Variants in NRG1 observed in about 807,000 individuals in gnomAD.
NRG1 encodes pro-neuregulin-1, membrane-bound isoform.
A neutral mutation model predicts 63.8 loss-of-function variants in NRG1; 18 were observed. The observed-to-expected ratio is 0.28, with a 90% CI of 0.19 to 0.42. NRG1 has a LOEUF of 0.42. NRG1 is among the 10% of genes least tolerant of loss of function. NRG1 has a pLI of 1.00. For missense variants in NRG1, 762 were observed against 814.7 expected, an observed-to-expected ratio of 0.94 and a Z score of 0.79; for synonymous variants, 302 against 301.3, an observed-to-expected ratio of 1.00 and a Z score of -0.02.
intron 1 of NRG1, among the ~76,000 whole-genome samples, chr8:31,987,346 GTGTA>G (rs372739895): frequency 0.018 from 2,664 of 147,626 alleles, 115 homozygotes; most frequent in African/African-American, 0.064. Flanking sequence ...GTGTGTGTGT[GTGTA>G]TGTGTGTGAA....
chr8:32,677,840 G>A lies in NRG1; in HGVS notation c.503-50109G>A, dbSNP rs138363113. Among the ~76,000 whole-genome samples the A allele has an allele frequency of 1.2e-3, 179 of 152,014 alleles. 1 individual carries two copies. The highest frequency in any genetic ancestry group is 1.8e-3 in the Non-Finnish European group (122 of 67,980). Reference sequence around the variant, plus strand: ...CCAATTTGCCATACCCCCACAAATCGCACTTATAAAGTCAAGAGTAAGCAC... The same window carrying A: ...CCAATTTGCCATACCCCCACAAATCACACTTATAAAGTCAAGAGTAAGCAC... On this transcript the variant is annotated intron_variant, in intron 5 of 11. Coordinates refer to ENST00000356819, the Ensembl canonical transcript of NRG1.
intron 1 of NRG1, among the ~76,000 whole-genome samples, chr8:31,954,215 T>G (rs568521681): frequency 8.1e-4 from 123 of 152,284 alleles, no homozygotes; most frequent in African/African-American, 2.9e-3. Flanking sequence ...CCCTAGATTT[T>G]GGACAGATAT....
At chr8:32,543,174 T>C (rs562216835) in intron 1 of NRG1, among the ~76,000 whole-genome samples, 4 of 152,316 alleles carry the variant, frequency 2.6e-5, no homozygotes, top group East Asian at 3.9e-4. Flanking sequence ...CTCTGCCTTT[T>C]ATAGGCTTAT....
chr8:31,917,263 G>A (rs1325869104), intron 1 of NRG1, among the ~76,000 whole-genome samples: 8 of 144,990 alleles, frequency 5.5e-5, no homozygotes, highest in African/African-American at 1.5e-4. Context: ...TGGTGTTTTA[G>A]ACATGAAGTT....
At chr8:32,683,512 A>G (rs978282299) in intron 5 of NRG1, among the ~76,000 whole-genome samples, 3 of 152,178 alleles carry the variant, frequency 2.0e-5, no homozygotes, top group African/African-American at 7.2e-5. Context: ...GAAGACAAAA[A>G]TAGGATCCCA....
intron 1 of NRG1, among the ~76,000 whole-genome samples, chr8:31,790,930 G>C (rs959979405): frequency 6.6e-6 from 1 of 152,098 alleles, no homozygotes; most frequent in African/African-American, 2.4e-5. Flanking sequence ...TAGCAAATAG[G>C]CTGGATGAGG....
chr8:32,748,333 G>GCACGCA (rs1554662506), intron 7 of NRG1, among the ~76,000 whole-genome samples: 2 of 92,096 alleles, frequency 2.2e-5, no homozygotes, highest in South Asian at 4.0e-4. Flanking sequence ...GTACACGCGC[G>GCACGCA]CGCGCGCACA....
chr8:32,723,370 C>T (rs1203064245), intron 5 of NRG1, among the ~76,000 whole-genome samples: 1 of 152,000 alleles, frequency 6.6e-6, no homozygotes, highest in Non-Finnish European at 1.5e-5. Context: ...TTATGTCTTG[C>T]ACATAATAAA....
intron 1 of NRG1, among the ~76,000 whole-genome samples, chr8:32,450,573 ACC>A (rs1462712638): frequency 1.3e-5 from 2 of 152,048 alleles, no homozygotes; most frequent in Non-Finnish European, 2.9e-5. Context: ...ATGTCACCAC[ACC>A]TGGCTATTTT....
intron 1 of NRG1, among the ~76,000 whole-genome samples, chr8:32,060,285 T>C (rs1012763894): frequency 6.6e-6 from 1 of 151,888 alleles, no homozygotes; most frequent in African/African-American, 2.4e-5. Flanking sequence ...CTTTTTTTTT[T>C]ATCTAATAGA....
chr8:31,715,810 C>T (rs1011165593), intron 1 of NRG1, among the ~76,000 whole-genome samples: 3 of 152,056 alleles, frequency 2.0e-5, no homozygotes, highest in Non-Finnish European at 2.9e-5. Flanking sequence ...TTTTGAACTA[C>T]TATATGGATT....
At chr8:32,738,562 T>A (rs1347439467) in intron 6 of NRG1, among the ~76,000 whole-genome samples, 1 of 152,166 alleles carries the variant, frequency 6.6e-6, no homozygotes, top group Non-Finnish European at 1.5e-5. Context: ...TTTTTCAAAC[T>A]CAGGTTTGAT....
At chr8:32,038,898 C>CAAG (rs2130614776) in intron 1 of NRG1, among the ~76,000 whole-genome samples, 1 of 152,146 alleles carries the variant, frequency 6.6e-6, no homozygotes, top group South Asian at 2.1e-4. Context: ...GTCCAAGTGC[C>CAAG]TGTTTTTTCT....
chr8:32,514,664 A>G (rs897130049), intron 1 of NRG1, among the ~76,000 whole-genome samples: 14 of 152,098 alleles, frequency 9.2e-5, no homozygotes, highest in Non-Finnish European at 2.9e-5. Flanking sequence ...GATTTATGCC[A>G]GTATGTAGGA....
chr8:32,551,484 A>G (rs1235527530), intron 1 of NRG1, among the ~76,000 whole-genome samples: 1 of 152,196 alleles, frequency 6.6e-6, no homozygotes, highest in Non-Finnish European at 1.5e-5. Flanking sequence ...TGTGTGCTAT[A>G]TTGTACGCAT....
At chr8:32,684,399 G>A (rs751818241) in intron 5 of NRG1, among the ~76,000 whole-genome samples, 2 of 152,074 alleles carry the variant, frequency 1.3e-5, no homozygotes, top group Non-Finnish European at 2.9e-5. Context: ...TTTCTCAAGA[G>A]GCATTCCAAT....
Position 31,927,995 on chromosome 8 carries a change from T to TAA in NRG1, c.37+288579_37+288580dup, listed in dbSNP as rs367890417. Among the ~76,000 whole-genome samples the TAA allele has an allele frequency of 5.4e-3, 755 of 139,716 alleles. 8 individuals are homozygous for TAA. Among genetic ancestry groups the TAA allele is most frequent in the East Asian group, 0.032 (153 of 4,790 alleles). The allele number at this position is 139,716 out of a possible 152,430, so 91.7% of individuals were successfully genotyped here. The stretch of plus-strand genomic sequence containing the variant: ...CTCGTCATTCAGCATTAGGTATATT[T>TAA]AAAAAAAAAAAAAAAACCTTGTTAT... On this transcript the variant is annotated intron_variant, in intron 1 of 10. Coordinates refer to the NRG1 transcript ENST00000519301.
At chr8:32,375,218 T>TC (rs1809467248) in intron 1 of NRG1, among the ~76,000 whole-genome samples, 1 of 151,448 alleles carries the variant, frequency 6.6e-6, no homozygotes, top group African/African-American at 2.4e-5. Context: ...GATCAAGCAA[T>TC]CCCCCCACCT....
chr8:32,162,381 A>T (rs1563856596), intron 1 of NRG1, among the ~76,000 whole-genome samples: 1 of 152,214 alleles, frequency 6.6e-6, no homozygotes, highest in Non-Finnish European at 1.5e-5. Context: ...CCTTGGATTC[A>T]GTTGTGTTGG....
Sources: gnomAD v4.1 joint callset for allele counts (sites outside exome capture counted in the v4.1 genomes callset) on GRCh38, gnomAD v4.1.1 for gene constraint, MANE v1.5 for transcripts, NCBI Gene and HGNC (gene_info 2026-07-23, HGNC 2026-07-21) for gene names.